The following MAGI1 variants were observed in gnomAD, a reference collection of about 807,000 sequenced individuals.
MAGI1 encodes the protein membrane associated guanylate kinase, WW and PDZ domain containing 1, also known as membrane-associated guanylate kinase, WW and PDZ domain-containing protein 1.
In MAGI1, 58 loss-of-function variants were observed where a neutral mutation model predicts 139.9. The ratio of observed to expected loss-of-function variants is 0.41; its 90% CI spans 0.34 to 0.52. The LOEUF (loss-of-function observed/expected upper bound fraction) is 0.52. MAGI1 is among the 20% of genes least tolerant of loss of function. The pLI is 0.12. For missense variants in MAGI1, 1,874 were observed against 1,901.6 expected (o/e 0.99, Z 0.27); for synonymous variants, 812 against 737.9 (o/e 1.10, Z -1.63).
chr3:65,639,808 G>A (rs889345861), intron 1 of MAGI1, among the ~76,000 whole-genome samples: 1 of 151,966 alleles, frequency 6.6e-6, no homozygotes, highest in African/African-American at 2.4e-5. Context: ...TTCAAGACCA[G>A]CCTGACCAAC....
chr3:65,401,372 T>TCCCCCCCCCCACCCCCCCCCCACCACC, intron 13 of MAGI1, 67 bp downstream of exon 13: 1 of 778,312 alleles, frequency 1.3e-6, no homozygotes, highest in South Asian at 1.5e-5. Context: ...CAGAGTACCC[T>TCCCCCCCCCCACCCCCCCCCCACCACC]CCCACCTCCA....
intron 1 of MAGI1, among the ~76,000 whole-genome samples, chr3:65,653,530 T>C (rs1390788713): frequency 6.6e-6 from 1 of 152,174 alleles, no homozygotes; most frequent in Non-Finnish European, 1.5e-5. Context: ...TCATGTGCAA[T>C]GAAATCACAC....
intron 1 of MAGI1, among the ~76,000 whole-genome samples, chr3:65,856,609 C>T (rs925702064): frequency 5.3e-5 from 8 of 152,170 alleles, no homozygotes; most frequent in African/African-American, 1.9e-4. Flanking sequence ...TAAGACAACA[C>T]GCCAGGCTTT....
At chr3:65,388,110 C>T (rs945926248) in intron 14 of MAGI1, among the ~76,000 whole-genome samples, 3 of 152,126 alleles carry the variant, frequency 2.0e-5, no homozygotes, top group Admixed American at 6.5e-5. Flanking sequence ...CTTCAGTGCT[C>T]GTCTTTGTTT....
chr3:65,618,091 G>C (rs1412955242), intron 2 of MAGI1, among the ~76,000 whole-genome samples: 2 of 152,182 alleles, frequency 1.3e-5, no homozygotes, highest in African/African-American at 2.4e-5. Context: ...TTAAAAAGAA[G>C]ACTGTGAACT....
chr3:65,576,927 A>G (rs2081203975), intron 2 of MAGI1, among the ~76,000 whole-genome samples: 1 of 152,214 alleles, frequency 6.6e-6, no homozygotes. Context: ...ACAAATTCAG[A>G]CATTTTGTCT....
At chr3:65,811,435 G>A (rs2041226730) in intron 1 of MAGI1, among the ~76,000 whole-genome samples, 1 of 152,108 alleles carries the variant, frequency 6.6e-6, no homozygotes, top group Non-Finnish European at 1.5e-5. Context: ...ATCTCCATGG[G>A]GAGCCCCCAG....
chr3:65,433,730 G>A (rs2107364176), intron 10 of MAGI1, among the ~76,000 whole-genome samples: 1 of 152,124 alleles, frequency 6.6e-6, no homozygotes, highest in Middle Eastern at 3.4e-3. Flanking sequence ...AGGATGTTCT[G>A]GGTCTTGGCC....
At position 65,646,333 on chromosome 3, in the gene MAGI1, C is replaced by A. The variant is rs187446284; in HGVS notation, c.314-24245G>T. 3.9e-3 allele frequency among the ~76,000 whole-genome samples: 586 copies of A among 151,682 alleles called. 6 individuals are homozygous for A. The highest frequency in any genetic ancestry group is 0.014 in the African/African-American group (563 of 41,356). ...CATTATGTAATGATAAAGGGGTCAA[C>A]CCACCAAGAAAACATAGCAATCCTA... is the stretch of plus-strand genomic sequence containing the variant. On this transcript the variant is annotated intron_variant, in intron 1 of 22. Coordinates refer to ENST00000402939, the MANE Select transcript of MAGI1 (RefSeq NM_001033057.2).
intron 2 of MAGI1, among the ~76,000 whole-genome samples, chr3:65,540,806 G>A (rs1192001602): frequency 6.6e-6 from 1 of 152,092 alleles, no homozygotes; most frequent in East Asian, 1.9e-4. Flanking sequence ...TCTTCCACAT[G>A]GTGACTGCAA....
At chr3:65,660,824 C>A (rs1352822540) in intron 1 of MAGI1, among the ~76,000 whole-genome samples, 1 of 152,156 alleles carries the variant, frequency 6.6e-6, no homozygotes, top group Non-Finnish European at 1.5e-5. Flanking sequence ...CCATAATAAG[C>A]TATTACAATA....
At chr3:65,694,567 C>A (rs2088974398) in intron 1 of MAGI1, among the ~76,000 whole-genome samples, 1 of 152,180 alleles carries the variant, frequency 6.6e-6, no homozygotes, top group African/African-American at 2.4e-5. Flanking sequence ...GGTCAGAGAA[C>A]AAAAGGGACT....
At chr3:65,872,511 G>A (rs2059972846) in intron 1 of MAGI1, among the ~76,000 whole-genome samples, 2 of 152,128 alleles carry the variant, frequency 1.3e-5, no homozygotes, top group South Asian at 2.1e-4. Context: ...AAAGCTGAGT[G>A]TGAGATTAAA....
At chr3:65,773,600 G>A (rs902921128) in intron 1 of MAGI1, among the ~76,000 whole-genome samples, 12 of 152,122 alleles carry the variant, frequency 7.9e-5, no homozygotes, top group Non-Finnish European at 1.3e-4. Context: ...CTAGCATAAG[G>A]TCTATCCATA....
intron 1 of MAGI1, among the ~76,000 whole-genome samples, chr3:65,945,910 G>A (rs771545936): frequency 6.6e-6 from 1 of 152,110 alleles, no homozygotes; most frequent in African/African-American, 2.4e-5. Flanking sequence ...GTGGCTAAAG[G>A]CACACTTGAG....
chr3:65,514,688 G>A (rs1255701406), intron 2 of MAGI1, among the ~76,000 whole-genome samples: 6 of 143,006 alleles, frequency 4.2e-5, no homozygotes. Flanking sequence ...TGGAGAAATA[G>A]GAACACTTTT....
At chr3:66,027,040 C>T (rs1256214636) in intron 1 of MAGI1, among the ~76,000 whole-genome samples, 2 of 151,410 alleles carry the variant, frequency 1.3e-5, no homozygotes, top group Admixed American at 1.3e-4. Context: ...GAGGCCGAGG[C>T]GGGCGGATCA....
At chr3:65,434,300 C>A (rs893326438) in intron 10 of MAGI1, among the ~76,000 whole-genome samples, 48 of 152,162 alleles carry the variant, frequency 3.2e-4, no homozygotes, top group African/African-American at 1.2e-3. Flanking sequence ...AGGTAAAGTG[C>A]CTGGGAAGGT....
At chr3:65,648,290 C>CGTGTGTGTGTGTGT (rs35122002) in intron 1 of MAGI1, among the ~76,000 whole-genome samples, 9 of 146,708 alleles carry the variant, frequency 6.1e-5, no homozygotes, top group Admixed American at 2.7e-4. Context: ...TACTACAGGC[C>CGTGTGTGTGTGTGT]GTGTGTGTGT....
Sources: allele counts gnomAD v4.1 joint callset (sites outside exome capture counted in the v4.1 genomes callset), GRCh38; gene constraint gnomAD v4.1.1; transcripts MANE v1.5; gene names NCBI Gene and HGNC (gene_info 2026-07-23, HGNC 2026-07-21).